The following RGS7 variants were observed in gnomAD, a reference collection of about 807,000 sequenced individuals.
RGS7 encodes regulator of G-protein signaling 7.
A neutral mutation model predicts 81.1 loss-of-function variants in RGS7; 27 were observed. The observed-to-expected ratio is 0.33, with a 90% CI of 0.25 to 0.46. The LOEUF (loss-of-function observed/expected upper bound fraction) is 0.46, where lower values mean the gene tolerates loss of function less well. RGS7 is among the 20% of genes least tolerant of loss of function. The pLI, the probability that RGS7 is intolerant of heterozygous loss-of-function variation, is 1.00. For missense variants in RGS7, 396 were observed against 607.4 expected, an observed-to-expected ratio of 0.65 and a Z score of 3.66; for synonymous variants, 208 against 207.7, an observed-to-expected ratio of 1.00 and a Z score of -0.01.
chr1:240,977,004 A>G (rs1055647376), intron 4 of RGS7, among the ~76,000 whole-genome samples: 1 of 149,850 alleles, frequency 6.7e-6, no homozygotes, highest in African/African-American at 2.5e-5. Flanking sequence ...TCTATCATCT[A>G]TCATTTATCT....
At chr1:241,129,756 G>A (rs868545397) in intron 2 of RGS7, among the ~76,000 whole-genome samples, 9 of 152,150 alleles carry the variant, frequency 5.9e-5, no homozygotes, top group South Asian at 2.1e-4. Context: ...TGGGGCCCAC[G>A]AGTCTGTATT....
intron 2 of RGS7, among the ~76,000 whole-genome samples, chr1:241,304,682 CAGTT>C (rs1378359841): frequency 6.6e-6 from 1 of 152,084 alleles, no homozygotes; most frequent in Non-Finnish European, 1.5e-5. Flanking sequence ...GCTAAATAGG[CAGTT>C]AGTTTAAAAT....
At chr1:241,013,298 A>C (rs2148667427) in intron 3 of RGS7, among the ~76,000 whole-genome samples, 1 of 152,040 alleles carries the variant, frequency 6.6e-6, no homozygotes, top group South Asian at 2.1e-4. Context: ...CCTGACCCCA[A>C]GTGATCTGCC....
chr1:241,221,889 TTC>T (rs113169736), intron 2 of RGS7, among the ~76,000 whole-genome samples: 15 of 150,334 alleles, frequency 1.0e-4, no homozygotes, highest in African/African-American at 1.7e-4. Context: ...TTTCTTTCCT[TTC>T]TCTCTCTCTC....
At chr1:240,886,993 C>T (rs546558931) in intron 6 of RGS7, among the ~76,000 whole-genome samples, 2 of 152,190 alleles carry the variant, frequency 1.3e-5, no homozygotes, top group South Asian at 2.1e-4. Context: ...GATTTGCTCA[C>T]CTGTGTAATG....
intron 2 of RGS7, among the ~76,000 whole-genome samples, chr1:241,135,960 C>CAA (rs61617683): frequency 0.13 from 9,281 of 74,166 alleles, 1,032 homozygotes; most frequent in African/African-American, 0.32. Context: ...ATGATAATGA[C>CAA]AAAAAAAAAA....
intron 2 of RGS7, among the ~76,000 whole-genome samples, chr1:241,297,134 TAAAG>T (rs2079475151): frequency 6.6e-6 from 1 of 152,164 alleles, no homozygotes; most frequent in African/African-American, 2.4e-5. Flanking sequence ...GTGAACTCCA[TAAAG>T]AAAGTGATTT....
chr1:241,014,011 A>G (rs577971653), intron 3 of RGS7, among the ~76,000 whole-genome samples: 1 of 152,326 alleles, frequency 6.6e-6, no homozygotes, highest in East Asian at 1.9e-4. Context: ...TGTCCTTTTC[A>G]AGTAACCTTA....
intron 14 of RGS7, among the ~76,000 whole-genome samples, chr1:240,810,049 T>C (rs1052172765): frequency 6.6e-6 from 1 of 152,154 alleles, no homozygotes; most frequent in Non-Finnish European, 1.5e-5. Flanking sequence ...ATCCTCTTTT[T>C]CCAAAGGCAT....
chr1:241,256,769 C>A (rs953552583), intron 2 of RGS7, among the ~76,000 whole-genome samples: 1 of 152,144 alleles, frequency 6.6e-6, no homozygotes, highest in Non-Finnish European at 1.5e-5. Flanking sequence ...GCTTCACACT[C>A]ATGATCAATT....
intron 2 of RGS7, among the ~76,000 whole-genome samples, chr1:241,259,936 T>G (rs1310791531): frequency 6.6e-6 from 1 of 152,086 alleles, no homozygotes; most frequent in African/African-American, 2.4e-5. Flanking sequence ...GAATCTAGCC[T>G]AGAGATTAAA....
chr1:240,857,875 T>C (rs1441056117), intron 9 of RGS7, among the ~76,000 whole-genome samples: 7 of 152,102 alleles, frequency 4.6e-5, no homozygotes, highest in Admixed American at 4.6e-4. Context: ...CTCATGATAG[T>C]GAGTGAGTTC....
chr1:241,307,067 G>T (rs2080219542), intron 2 of RGS7, among the ~76,000 whole-genome samples: 1 of 152,210 alleles, frequency 6.6e-6, no homozygotes, highest in Admixed American at 6.5e-5. Flanking sequence ...TTTATTGAAA[G>T]ATTCTATTGT....
intron 2 of RGS7, among the ~76,000 whole-genome samples, chr1:241,334,982 T>C (rs1030108026): frequency 6.6e-6 from 1 of 152,180 alleles, no homozygotes; most frequent in Admixed American, 6.5e-5. Context: ...TCAAAAATAA[T>C]ATCCATGGGG....
chr1:240,902,896 T>C (rs1238206371), intron 6 of RGS7, among the ~76,000 whole-genome samples: 4 of 152,194 alleles, frequency 2.6e-5, no homozygotes, highest in African/African-American at 9.6e-5. Context: ...TGTTTAAAAG[T>C]AGCAAAATGC....
intron 3 of RGS7, among the ~76,000 whole-genome samples, chr1:241,014,510 T>A (rs982598595): frequency 3.9e-5 from 6 of 152,208 alleles, no homozygotes; most frequent in African/African-American, 1.2e-4. Context: ...TCTACAGGTA[T>A]CTACAGAACT....
chr1:241,043,288 T>C (rs940944169), intron 3 of RGS7, among the ~76,000 whole-genome samples: 2 of 151,968 alleles, frequency 1.3e-5, no homozygotes, highest in African/African-American at 4.8e-5. Flanking sequence ...TGTTACACTA[T>C]TTTGTCTCAA....
chr1:241,082,383 A>G (rs961856010), intron 3 of RGS7, among the ~76,000 whole-genome samples: 1 of 152,350 alleles, frequency 6.6e-6, no homozygotes, highest in Admixed American at 6.5e-5. Context: ...ACTAGAATAT[A>G]TGGCTACAAA....
At chr1:240,888,515 TG>T (rs1395409505) in intron 6 of RGS7, among the ~76,000 whole-genome samples, 4 of 152,176 alleles carry the variant, frequency 2.6e-5, no homozygotes, top group Non-Finnish European at 5.9e-5. Flanking sequence ...TGAACGCAGT[TG>T]GCTATCATTG....
Sources: gnomAD v4.1 joint callset for allele counts (sites outside exome capture counted in the v4.1 genomes callset) on GRCh38, gnomAD v4.1.1 for gene constraint, MANE v1.5 for transcripts, NCBI Gene and HGNC (gene_info 2026-07-23, HGNC 2026-07-21) for gene names.